C16orf74: variants seen among roughly 807,000 people sequenced by gnomAD.
C16orf74 encodes calcimembrin.
C16orf74 carries 10 observed loss-of-function variants against 6.5 expected under a neutral mutation model. The observed-to-expected ratio is 1.54, with a 90% CI of 0.95 to 2.61. The LOEUF (loss-of-function observed/expected upper bound fraction) is 2.61. Among genes scored for constraint, C16orf74 ranks in the 30% most tolerant of loss-of-function variants. The probability of loss-of-function intolerance (pLI) is 0.00; values close to 1 mark genes in which losing one functional copy is unlikely to be tolerated. For synonymous variants in C16orf74, 60 were observed against 42.5 expected, an observed-to-expected ratio of 1.41 and a Z score of -1.60; for missense variants, 141 against 105.9, an observed-to-expected ratio of 1.33 and a Z score of -1.45.
Position 85,736,042 on chromosome 16 carries a change from C to T in C16orf74, c.-18-807G>A, listed in dbSNP as rs184413585. Reference sequence around the variant, plus strand: ...GACTCGAACCCAGGACTGTCCTAATCCCTAGGCTGGGGCCCCACCCCACAG... The same window carrying T: ...GACTCGAACCCAGGACTGTCCTAATTCCTAGGCTGGGGCCCCACCCCACAG... On this transcript the variant is annotated intron_variant, in intron 1 of 3. Coordinates refer to ENST00000284245, the MANE Select transcript of C16orf74 (RefSeq NM_206967.3). 7.9e-5 allele frequency among the ~76,000 whole-genome samples: 12 copies of T among 152,274 alleles called. No individual in the cohort carries two copies. In the East Asian group the frequency reaches 2.3e-3, roughly 29 times the overall value.
chr16:85,748,097 T>A (rs972946925), intron 1 of C16orf74, among the ~76,000 whole-genome samples: 3 of 65,650 alleles, frequency 4.6e-5, no homozygotes, highest in African/African-American at 1.0e-4. Flanking sequence ...AAAAAATATA[T>A]ATATATATAC....
chr16:85,711,554 C>T (rs547439034), intron 2 of C16orf74, among the ~76,000 whole-genome samples: 25 of 143,094 alleles, frequency 1.7e-4, no homozygotes, highest in Admixed American at 1.6e-3. Context: ...ATCCGGGAGG[C>T]GGAGGTTGCA....
At chr16:85,712,743 T>C (rs753214768) in intron 2 of C16orf74, among the ~76,000 whole-genome samples, 7 of 152,204 alleles carry the variant, frequency 4.6e-5, no homozygotes, top group Non-Finnish European at 8.8e-5. Context: ...TCTGGGCCCT[T>C]TGTGCAGTAA....
intron 2 of C16orf74, among the ~76,000 whole-genome samples, chr16:85,712,450 C>T (rs948659385): frequency 6.6e-6 from 1 of 152,238 alleles, no homozygotes; most frequent in African/African-American, 2.4e-5. Context: ...GAATCTCATA[C>T]CCGGCTGTGG....
chr16:85,715,991 CG>C (rs1365031145), intron 2 of C16orf74, among the ~76,000 whole-genome samples: 131 of 144,164 alleles, frequency 9.1e-4, no homozygotes, highest in African/African-American at 3.7e-3. Context: ...CGGAGGCCCC[CG>C]ACAAAAGGAA....
At chr16:85,732,551 A>G (rs1455324965) in intron 2 of C16orf74, among the ~76,000 whole-genome samples, 1 of 151,506 alleles carries the variant, frequency 6.6e-6, no homozygotes, top group Non-Finnish European at 1.5e-5. Flanking sequence ...CTGTAATCCC[A>G]GCTACTCAGG....
At chr16:85,737,770 G>A (rs969040076) in intron 1 of C16orf74, among the ~76,000 whole-genome samples, 2 of 152,158 alleles carry the variant, frequency 1.3e-5, no homozygotes, top group African/African-American at 2.4e-5. Context: ...GATGGAGGTT[G>A]CAGTGAACCA....
Position 85,717,686 on chromosome 16 carries a change from A to G in C16orf74, c.29-7379T>C, listed in dbSNP as rs556119763. Among the ~76,000 whole-genome samples, 6 of 152,344 alleles carry G rather than the reference A, an allele frequency of 3.9e-5. No homozygotes were observed. In the East Asian group the frequency reaches 1.2e-3, roughly 29 times the overall value. ...CTGAGCCTGCCATTTGCACTCCTGCATTCAACCCTCACACCATCCCTCAGG... is the reference window on the plus strand; with the variant it reads ...CTGAGCCTGCCATTTGCACTCCTGCGTTCAACCCTCACACCATCCCTCAGG... On this transcript the variant is annotated intron_variant, in intron 2 of 3. Transcript: ENST00000284245.
intron 1 of C16orf74, among the ~76,000 whole-genome samples, chr16:85,735,460 T>G (rs899396817): frequency 1.3e-5 from 2 of 152,120 alleles, no homozygotes; most frequent in African/African-American, 4.8e-5. Context: ...GCCTCAAAGT[T>G]AAATATACAG....
At chr16:85,746,213 G>A (rs998421199) in intron 1 of C16orf74, among the ~76,000 whole-genome samples, 1 of 152,048 alleles carries the variant, frequency 6.6e-6, no homozygotes, top group African/African-American at 2.4e-5. Context: ...AACTGGGCAT[G>A]GCAGAGGGCG....
At chr16:85,739,973 G>T (rs1039014693) in intron 1 of C16orf74, among the ~76,000 whole-genome samples, 1 of 151,878 alleles carries the variant, frequency 6.6e-6, no homozygotes, top group African/African-American at 2.4e-5. Context: ...ACTTAGGGAG[G>T]CCGAGGCGGG....
At chr16:85,723,507 G>T (rs1020646191) in intron 2 of C16orf74, among the ~76,000 whole-genome samples, 1 of 152,162 alleles carries the variant, frequency 6.6e-6, no homozygotes, top group African/African-American at 2.4e-5. Context: ...AAACGGGAAA[G>T]CTGTTAACGC....
chr16:85,738,613 G>C (rs1340714560), intron 1 of C16orf74, among the ~76,000 whole-genome samples: 1 of 151,902 alleles, frequency 6.6e-6, no homozygotes, highest in African/African-American at 2.4e-5. Context: ...TTTCAGGTGT[G>C]AGCCACCGCG....
At chr16:85,735,967 G>A (rs369694) in intron 1 of C16orf74, among the ~76,000 whole-genome samples, 9 of 151,976 alleles carry the variant, frequency 5.9e-5, no homozygotes, top group Admixed American at 1.3e-4. Flanking sequence ...GCTCAGAGAG[G>A]TGGCGGCACC....
chr16:85,729,858 G>A (rs1280035156), intron 2 of C16orf74, among the ~76,000 whole-genome samples: 2 of 152,172 alleles, frequency 1.3e-5, no homozygotes, highest in African/African-American at 4.8e-5. Context: ...TGAGGAGGGA[G>A]GGCGGCCCTG....
At chr16:85,720,508 C>T (rs1227901534) in intron 2 of C16orf74, among the ~76,000 whole-genome samples, 1 of 152,138 alleles carries the variant, frequency 6.6e-6, no homozygotes, top group Admixed American at 6.6e-5. Context: ...TGACTCATGC[C>T]TGTAATTCCA....
intron 2 of C16orf74, among the ~76,000 whole-genome samples, chr16:85,729,165 C>A (rs1166752755): frequency 6.6e-6 from 1 of 152,230 alleles, no homozygotes; most frequent in Non-Finnish European, 1.5e-5. Flanking sequence ...CCCCTCCTAA[C>A]TGGCCATGTG....
In C16orf74 at chr16:85,709,310, C is replaced by T. The variant is rs146672914; in HGVS notation, c.172+854G>A. On this transcript the variant is annotated intron_variant, in intron 3 of 3. Coordinates refer to ENST00000284245, the MANE Select transcript of C16orf74 (RefSeq NM_206967.3). Reference sequence around the variant, plus strand: ...TGGAGGTTGCAGTGAGCTGAGAGTGCACCACAGCACTCCAGCCTGGGTGAC... The same window carrying T: ...TGGAGGTTGCAGTGAGCTGAGAGTGTACCACAGCACTCCAGCCTGGGTGAC... 2.2e-4 allele frequency among the ~76,000 whole-genome samples: 34 copies of T among 152,236 alleles called. No homozygotes were observed. In the East Asian group the frequency reaches 2.7e-3, roughly 12 times the overall value.
At chr16:85,742,203 T>G (rs1437656756) in intron 1 of C16orf74, among the ~76,000 whole-genome samples, 2 of 152,074 alleles carry the variant, frequency 1.3e-5, no homozygotes, top group Non-Finnish European at 2.9e-5. Flanking sequence ...CAAAACCCCG[T>G]CTCTACTAAA....
Sources: allele counts gnomAD v4.1 joint callset (sites outside exome capture counted in the v4.1 genomes callset), GRCh38; gene constraint gnomAD v4.1.1; transcripts MANE v1.5; gene names NCBI Gene and HGNC (gene_info 2026-07-23, HGNC 2026-07-21).